LRMDA: variants seen among roughly 807,000 people sequenced by gnomAD.
LRMDA encodes leucine rich melanocyte differentiation associated.
Under a neutral mutation model 29.8 loss-of-function variants are expected in LRMDA, and 18 were observed. The observed-to-expected ratio is 0.60, with a 90% confidence interval of 0.42 to 0.90. LRMDA has a LOEUF of 0.90. LRMDA is among the 40% of genes least tolerant of loss of function. The probability of loss-of-function intolerance (pLI) is 0.00; values close to 1 mark genes in which losing one functional copy is unlikely to be tolerated. For missense variants in LRMDA, 273 were observed against 273.9 expected (o/e 1.00, Z 0.02); for synonymous variants, 125 against 109.4 (o/e 1.14, Z -0.89).
At chr10:75,972,183 T>A (rs1342543675) in intron 2 of LRMDA, among the ~76,000 whole-genome samples, 1 of 152,152 alleles carries the variant, frequency 6.6e-6, no homozygotes, top group Non-Finnish European at 1.5e-5. Flanking sequence ...ATTAGTTGGT[T>A]ATAAGTCCAC....
intron 2 of LRMDA, among the ~76,000 whole-genome samples, chr10:75,689,433 CT>C (rs1194778372): frequency 6.6e-6 from 1 of 152,166 alleles, no homozygotes; most frequent in African/African-American, 2.4e-5. Context: ...TTCTTAGGCC[CT>C]TAGTAGGGCC....
intron 2 of LRMDA, among the ~76,000 whole-genome samples, chr10:75,998,071 T>C (rs149415018): frequency 1.6e-4 from 24 of 152,260 alleles, no homozygotes; most frequent in African/African-American, 5.1e-4. Context: ...TCAAATGTCA[T>C]CTAGGATGAG....
At chr10:75,950,137 G>A (rs1846548944) in intron 2 of LRMDA, among the ~76,000 whole-genome samples, 1 of 152,188 alleles carries the variant, frequency 6.6e-6, no homozygotes, top group African/African-American at 2.4e-5. Flanking sequence ...GTGGCCTTTG[G>A]AGGCTGGGGT....
intron 5 of LRMDA, among the ~76,000 whole-genome samples, chr10:76,118,695 G>A (rs1472557693): frequency 1.3e-5 from 2 of 151,962 alleles, no homozygotes; most frequent in African/African-American, 4.8e-5. Context: ...AGGGTACCAA[G>A]CCCTCTTATT....
intron 2 of LRMDA, among the ~76,000 whole-genome samples, chr10:75,992,900 T>G (rs1847395252): frequency 6.6e-6 from 1 of 152,112 alleles, no homozygotes; most frequent in Non-Finnish European, 1.5e-5. Context: ...ATCCTTTGTC[T>G]GCCTATTGGC....
chr10:76,540,339 C>T (rs560109987), intron 6 of LRMDA, among the ~76,000 whole-genome samples: 20 of 151,002 alleles, frequency 1.3e-4, no homozygotes, highest in Non-Finnish European at 2.9e-4. Context: ...TGAAAAAATT[C>T]CCAAGACATT....
At chr10:75,958,057 T>A (rs1197035121) in intron 2 of LRMDA, among the ~76,000 whole-genome samples, 1 of 152,140 alleles carries the variant, frequency 6.6e-6, no homozygotes, top group Non-Finnish European at 1.5e-5. Context: ...GTTTATAAAC[T>A]GAAAACTGTA....
intron 2 of LRMDA, among the ~76,000 whole-genome samples, chr10:75,953,317 G>A (rs1044245386): frequency 1.3e-5 from 2 of 151,942 alleles, no homozygotes; most frequent in Admixed American, 1.3e-4. Context: ...GGCCTCAAGC[G>A]ATCCTTCTGC....
chr10:76,510,172 G>A (rs967590779), intron 6 of LRMDA, among the ~76,000 whole-genome samples: 47 of 152,266 alleles, frequency 3.1e-4, no homozygotes, highest in African/African-American at 1.1e-3. Flanking sequence ...CCGGATTCAA[G>A]CGATTCTCCT....
chr10:76,273,325 G>A (rs939279812), intron 5 of LRMDA, among the ~76,000 whole-genome samples: 1 of 151,992 alleles, frequency 6.6e-6, no homozygotes, highest in Non-Finnish European at 1.5e-5. Context: ...AATATTTAGG[G>A]TATTTACACC....
At chr10:75,514,716 G>A (rs542857401) in intron 2 of LRMDA, among the ~76,000 whole-genome samples, 6 of 152,182 alleles carry the variant, frequency 3.9e-5, no homozygotes, top group South Asian at 2.1e-4. Flanking sequence ...GCCCTCCTTC[G>A]CCTTCTGCTA....
intron 6 of LRMDA, among the ~76,000 whole-genome samples, chr10:76,375,269 A>G (rs1841502673): frequency 1.3e-5 from 2 of 151,988 alleles, no homozygotes; most frequent in East Asian, 3.9e-4. Flanking sequence ...TGTGACAGAA[A>G]CTCATACAGA....
chr10:75,926,533 C>T (rs1174061838), intron 2 of LRMDA, among the ~76,000 whole-genome samples: 4 of 152,162 alleles, frequency 2.6e-5, no homozygotes, highest in East Asian at 1.9e-4. Flanking sequence ...GGTGGCAGCC[C>T]GCCCACCTTT....
chr10:76,465,477 CCA>C (rs1842555057), intron 6 of LRMDA, among the ~76,000 whole-genome samples: 1 of 152,134 alleles, frequency 6.6e-6, no homozygotes, highest in Admixed American at 6.5e-5. Context: ...GGTGCACTAT[CCA>C]CAGTGACCCA....
chr10:75,481,844 G>A (rs1478357760), intron 2 of LRMDA, among the ~76,000 whole-genome samples: 1 of 151,982 alleles, frequency 6.6e-6, no homozygotes, highest in African/African-American at 2.4e-5. Flanking sequence ...TTTCCCATGG[G>A]GACTTATGCA....
intron 6 of LRMDA, among the ~76,000 whole-genome samples, chr10:76,367,753 T>G (rs950707587): frequency 6.6e-6 from 1 of 152,148 alleles, no homozygotes; most frequent in Non-Finnish European, 1.5e-5. Flanking sequence ...TGGCTGGTAA[T>G]TTTTAAATGA....
At chr10:75,482,173 C>G (rs1387438419) in intron 2 of LRMDA, among the ~76,000 whole-genome samples, 1 of 152,136 alleles carries the variant, frequency 6.6e-6, no homozygotes, top group East Asian at 1.9e-4. Context: ...CTTGCTCAGG[C>G]CAGGGAAGCA....
At chr10:75,643,466 C>T (rs1243334544) in intron 2 of LRMDA, among the ~76,000 whole-genome samples, 1 of 152,184 alleles carries the variant, frequency 6.6e-6, no homozygotes, top group African/African-American at 2.4e-5. Context: ...CCAGCCTCAG[C>T]AGTCACCTGG....
intron 5 of LRMDA, among the ~76,000 whole-genome samples, chr10:76,099,287 G>A (rs1432069542): frequency 6.6e-6 from 1 of 152,200 alleles, no homozygotes; most frequent in Non-Finnish European, 1.5e-5. Flanking sequence ...GCCCAGGAAT[G>A]AACAAGGACA....
Sources: allele counts gnomAD v4.1 joint callset (sites outside exome capture counted in the v4.1 genomes callset), GRCh38; gene constraint gnomAD v4.1.1; transcripts MANE v1.5; gene names NCBI Gene and HGNC (gene_info 2026-07-23, HGNC 2026-07-21).